NLRP13: variants seen among roughly 807,000 people sequenced by gnomAD.
NLRP13 encodes NLR family pyrin domain containing 13.
NLRP13 carries 82 observed loss-of-function variants against 94.4 expected under a neutral mutation model. That is an observed-to-expected ratio of 0.87 (90% CI 0.73 to 1.04). NLRP13 has a LOEUF of 1.04. NLRP13 is among the 50% of genes least tolerant of loss of function. The pLI is 0.00. For synonymous variants in NLRP13, 553 were observed against 464.7 expected (o/e 1.19, Z -2.45); for missense variants, 1,426 against 1,230.8 (o/e 1.16, Z -2.37).
chr19:55,924,062 A>G (rs1473708037), intron 3 of NLRP13, 83 bp from the exon 4 acceptor site: 3 of 1,047,904 alleles, frequency 2.9e-6, no homozygotes, highest in Admixed American at 3.5e-5. Flanking sequence ...AGTAGAACCA[A>G]CTCTTTCTAT....
intron 7 of NLRP13, among the ~76,000 whole-genome samples, chr19:55,905,820 C>A (rs1568690453): frequency 6.6e-6 from 1 of 152,196 alleles, no homozygotes; most frequent in Non-Finnish European, 1.5e-5. Flanking sequence ...CCTACACCAT[C>A]AGGACAACCA....
intron 10 of NLRP13, among the ~76,000 whole-genome samples, chr19:55,897,806 C>T (rs1413658901): frequency 1.3e-5 from 2 of 152,108 alleles, no homozygotes; most frequent in African/African-American, 4.8e-5. Context: ...GGCTGGTAAA[C>T]CCCAACAATG....
At chr19:55,894,823 G>A (rs1364023441), downstream of NLRP13, among the ~76,000 whole-genome samples, 1 of 152,186 alleles carries the variant, frequency 6.6e-6, no homozygotes, top group Non-Finnish European at 1.5e-5. Context: ...TAATGGCTAT[G>A]GAGTGACACG....
intron 3 of NLRP13, 104 bp downstream of exon 3, chr19:55,924,486 G>C (rs994019367): frequency 1.8e-5 from 14 of 785,748 alleles, no homozygotes; most frequent in Non-Finnish European, 2.8e-5. Flanking sequence ...AATTTTTTAT[G>C]TACCATAAAT....
At chr19:55,894,555 C>T (rs758182413), downstream of NLRP13, among the ~76,000 whole-genome samples, 1 of 152,188 alleles carries the variant, frequency 6.6e-6, no homozygotes, top group African/African-American at 2.4e-5. Flanking sequence ...CTCCTTCCAG[C>T]CTCCTTGGGA....
intron 4 of NLRP13, among the ~76,000 whole-genome samples, chr19:55,917,881 T>C (rs914342818): frequency 6.6e-6 from 1 of 151,838 alleles, no homozygotes; most frequent in Admixed American, 6.6e-5. Context: ...ACAAAGGAAG[T>C]CTGAACTTAA....
At chr19:55,896,768 A>G (rs1226291874) in intron 10 of NLRP13, among the ~76,000 whole-genome samples, 1 of 144,192 alleles carries the variant, frequency 6.9e-6, no homozygotes, top group Non-Finnish European at 1.5e-5. Context: ...GCAGTGAGTC[A>G]AGATTGCGCC....
chr19:55,908,769 G>A (rs977747303), intron 6 of NLRP13, among the ~76,000 whole-genome samples: 1 of 152,172 alleles, frequency 6.6e-6, no homozygotes, highest in Non-Finnish European at 1.5e-5. Context: ...CTGTTGGAAG[G>A]TGAAGAGTGG....
intron 8 of NLRP13, among the ~76,000 whole-genome samples, chr19:55,903,682 T>C (rs1048598417): frequency 6.6e-6 from 1 of 152,026 alleles, no homozygotes; most frequent in African/African-American, 2.4e-5. Flanking sequence ...GTCCCACCCT[T>C]TACCTAGCTG....
At chr19:55,891,981 G>T, downstream of NLRP13, 1 of 665,834 alleles carries the variant, frequency 1.5e-6, no homozygotes, top group Non-Finnish European at 2.1e-6. Flanking sequence ...GTCAAGCCAC[G>T]TGGCATCTAA....
Position 55,912,715 on chromosome 19 carries a change from C to T in NLRP13, c.1102G>A (p.Val368Met), listed in dbSNP as rs370699360. 25 of 1,614,046 alleles carry T rather than the reference C, an allele frequency of 1.5e-5. No individual in the cohort carries two copies. The highest frequency in any genetic ancestry group is 1.9e-5 in the Non-Finnish European group (23 of 1,180,030). Reference sequence around the variant, plus strand: ...ACTAATGAGGCCTTAAGATCTCTCACAAACCAGGTCTTGATCGTGATCAGT... The same window carrying T: ...ACTAATGAGGCCTTAAGATCTCTCATAAACCAGGTCTTGATCGTGATCAGT... ...TLLITIKTWF[V>M]RDLKASLVNP... Residue 368 changes from valine (V) to methionine (M), a missense_variant, in exon 5 of 11, where the codon GTG becomes ATG. Transcript: ENST00000342929.
chr19:55,902,277 CA>C, intron 8 of NLRP13, 72 bp from the exon 9 acceptor site: 1 of 1,291,816 alleles, frequency 7.7e-7, no homozygotes, highest in South Asian at 1.6e-5. Flanking sequence ...AACAGAGCCT[CA>C]GGGCCCCCTC....
rs1206430433 is a variant in NLRP13, at chr19:55,898,791, T to C, written c.2936A>G (p.His979Arg). The C allele has an allele frequency of 6.2e-7, 1 of 1,610,838 alleles. No homozygotes were observed. Among genetic ancestry groups the C allele is most frequent in the African/African-American group, 1.3e-5 (1 of 74,818 alleles). Residue 979 changes from histidine to arginine, a missense_variant, in exon 10 of 11, where the codon CAT (histidine) becomes CGT (arginine). His to Arg is a conservative substitution (Grantham distance 29). Coordinates refer to ENST00000342929, the MANE Select transcript of NLRP13 (RefSeq NM_176810.2). Reference protein sequence around the residue: ...VKLLCEALKPHRALHTLGLAK... With the variant: ...VKLLCEALKPRRALHTLGLAK... ...TCACCCAAGTGTGTGCAATGCACGA[T>C]GTGGTTTCAGAGCCTCACACAGTAG...
chr19:55,912,654 C>T lies in NLRP13; in HGVS notation c.1163G>A (p.Gly388Glu), dbSNP rs1397568784. The change falls in exon 5 of 11, where the codon GGG becomes GAG. Residue 388 changes from glycine to glutamate, a missense_variant. Coordinates refer to ENST00000342929, the MANE Select transcript of NLRP13 (RefSeq NM_176810.2). ...PCFVQITGFT[G>E]DDLRVYFMRH... is the part of the protein sequence containing the mutation. Reference sequence around the variant, plus strand: ...CATGAAATATACCCGTAGGTCGTCCCCTGTGAACCCTGTAATTTGTACAAA... The same window carrying T: ...CATGAAATATACCCGTAGGTCGTCCTCTGTGAACCCTGTAATTTGTACAAA... The T allele has an allele frequency of 1.2e-6, 2 of 1,614,178 alleles. No homozygotes were observed. The highest frequency in any genetic ancestry group is 4.5e-5 in the East Asian group (2 of 44,874).
chr19:55,911,798 A>G lies in NLRP13; in HGVS notation c.2019T>C (p.Ala673=). The G allele has an allele frequency of 6.2e-7, 1 of 1,614,166 alleles. No individual in the cohort carries two copies. Among genetic ancestry groups the G allele is most frequent in the Non-Finnish European group, 8.5e-7 (1 of 1,179,980 alleles). The change falls in exon 5 of 11, where the codon GCT becomes GCC. Residue 673 remains alanine, a synonymous_variant. Coordinates refer to ENST00000342929, the MANE Select transcript of NLRP13 (RefSeq NM_176810.2). ...TACAGTGCTTTAGGCAAAATGAAGAAGCTTGGAGTTCTTCGTCCTCCAAAA... is the reference window on the plus strand; with the variant it reads ...TACAGTGCTTTAGGCAAAATGAAGAGGCTTGGAGTTCTTCGTCCTCCAAAA... ...LNILEDEELQ[A]SSFCLKHCKR...
At chr19:55,901,977 G>A (rs1986192075) in intron 9 of NLRP13, 58 bp downstream of exon 9, 5 of 1,564,082 alleles carry the variant, frequency 3.2e-6, no homozygotes, top group Non-Finnish European at 4.4e-6. Flanking sequence ...GGCATTGGTG[G>A]GTCAATTCCC....
chr19:55,923,632 C>T (rs1986894636), intron 4 of NLRP13, among the ~76,000 whole-genome samples: 1 of 152,150 alleles, frequency 6.6e-6, no homozygotes, highest in African/African-American at 2.4e-5. Context: ...CTTTATAGCA[C>T]CCTCCTCAGT....
In NLRP13 at chr19:55,905,130, G is replaced by C. The variant is rs766417754; in HGVS notation, c.2448-18C>G. On this transcript the variant is annotated intron_variant, in intron 7 of 10. Transcript: ENST00000342929. Reference sequence around the variant, plus strand: ...TCTCCAGGCTGTGGAAGGTGCAGGTGCAAGGTGAGCCTCAGCCATGATGCC... The same window carrying C: ...TCTCCAGGCTGTGGAAGGTGCAGGTCCAAGGTGAGCCTCAGCCATGATGCC... 6.2e-7 allele frequency: 1 copy of C among 1,612,572 alleles called. No homozygotes were observed. The highest frequency in any genetic ancestry group is 8.5e-7 in the Non-Finnish European group (1 of 1,179,414).
In NLRP13 at chr19:55,912,904, T is replaced by C; in HGVS notation, c.913A>G (p.Lys305Glu). The change falls in exon 5 of 11, where the codon AAG (lysine) becomes GAG (glutamate). Residue 305 changes from lysine (K) to glutamate (E), a missense_variant. Transcript: ENST00000342929. ...PIEEFMSQPE[K>E]LLFIIDGFEE... ...AAGCCATCAATAATAAACAGGAGCT[T>C]CTCTGGTTGAGACATGAACTCTTCA... 6.2e-7 allele frequency: 1 copy of C among 1,614,172 alleles called. No homozygotes were observed. The highest frequency in any genetic ancestry group is 1.3e-5 in the African/African-American group (1 of 75,042).
Sources: allele counts gnomAD v4.1 joint callset (sites outside exome capture counted in the v4.1 genomes callset), GRCh38; gene constraint gnomAD v4.1.1; transcripts MANE v1.5; gene names NCBI Gene and HGNC (gene_info 2026-07-23, HGNC 2026-07-21).